Variants in ROBO1 observed in about 807,000 individuals in gnomAD.
ROBO1 encodes roundabout guidance receptor 1.
Under a neutral mutation model 195.9 loss-of-function variants are expected in ROBO1, and 149 were observed. The observed-to-expected ratio is 0.76, with a 90% confidence interval of 0.67 to 0.87. The LOEUF is 0.87. ROBO1 is among the 40% of genes least tolerant of loss of function. ROBO1 has a pLI of 0.00. For synonymous variants in ROBO1, 816 were observed against 733.2 expected (o/e 1.11, Z -1.82); for missense variants, 1,933 against 2,068.3 (o/e 0.93, Z 1.27).
At chr3:78,946,759 T>A (rs2040467502) in intron 3 of ROBO1, among the ~76,000 whole-genome samples, 1 of 152,164 alleles carries the variant, frequency 6.6e-6, no homozygotes, top group Non-Finnish European at 1.5e-5. Context: ...CCCATCAGTG[T>A]GCTGTATTCA....
intron 4 of ROBO1, among the ~76,000 whole-genome samples, chr3:78,794,959 A>C (rs2108544684): frequency 6.6e-6 from 1 of 152,334 alleles, no homozygotes; most frequent in Admixed American, 6.5e-5. Flanking sequence ...ATTTCAAATA[A>C]TTTCAGAAAT....
At position 78,659,802 on chromosome 3, in the gene ROBO1, T is replaced by C. The variant is rs1188129440; in HGVS notation, c.2326A>G (p.Ser776Gly). 2 of 1,602,886 alleles carry C rather than the reference T, an allele frequency of 1.2e-6. No individual in the cohort carries two copies. Among genetic ancestry groups the C allele is most frequent in the Admixed American group, 3.4e-5 (2 of 58,488 alleles). The change falls in exon 17 of 31, where the codon AGT becomes GGT. Residue 776 changes from serine to glycine, a missense_variant. By Grantham distance (56) the Ser-to-Gly change is moderately conservative. Transcript: ENST00000464233. ...KFAKTLEEAP[S>G]APPQGVTVSK... The stretch of plus-strand genomic sequence containing the variant: ...ACAGTTACACCTTGGGGTGGGGCAC[T>C]GGGTGCTATTAAATTGTTTTAAAAG...
At chr3:79,217,510 T>C (rs1224032713) in intron 2 of ROBO1, among the ~76,000 whole-genome samples, 1 of 152,028 alleles carries the variant, frequency 6.6e-6, no homozygotes, top group East Asian at 1.9e-4. Flanking sequence ...TCTTAAATAG[T>C]TCTCAATTCT....
intron 2 of ROBO1, among the ~76,000 whole-genome samples, chr3:79,538,155 G>T (rs993819031): frequency 6.6e-6 from 1 of 151,988 alleles, no homozygotes; most frequent in Non-Finnish European, 1.5e-5. Flanking sequence ...ATAATTTTAG[G>T]TAACATTATT....
intron 4 of ROBO1, among the ~76,000 whole-genome samples, chr3:78,811,465 A>G (rs1352435753): frequency 6.6e-5 from 10 of 152,274 alleles, no homozygotes; most frequent in African/African-American, 1.9e-4. Context: ...CTTTCACTAT[A>G]CATATCTACT....
At chr3:79,751,521 A>T (rs1016112555) in intron 1 of ROBO1, among the ~76,000 whole-genome samples, 4 of 152,238 alleles carry the variant, frequency 2.6e-5, no homozygotes, top group African/African-American at 9.6e-5. Flanking sequence ...AATTTAGCTA[A>T]GTGCTATTGT....
At chr3:78,900,734 T>C (rs1004548535) in intron 4 of ROBO1, among the ~76,000 whole-genome samples, 1 of 152,126 alleles carries the variant, frequency 6.6e-6, no homozygotes, top group Non-Finnish European at 1.5e-5. Flanking sequence ...TTATTTTTAA[T>C]ATTATCTTTA....
intron 3 of ROBO1, among the ~76,000 whole-genome samples, chr3:78,977,130 A>C (rs1012165118): frequency 3.9e-5 from 6 of 152,202 alleles, no homozygotes; most frequent in South Asian, 4.1e-4. Context: ...TTTAAGCAGA[A>C]TATTTCCAAT....
chr3:79,667,961 A>G (rs1405480672), intron 1 of ROBO1, among the ~76,000 whole-genome samples: 1 of 151,806 alleles, frequency 6.6e-6, no homozygotes, highest in Non-Finnish European at 1.5e-5. Context: ...ATTAAGACAT[A>G]CTGCCTTTTA....
chr3:79,090,160 G>A (rs1385185760), intron 3 of ROBO1, among the ~76,000 whole-genome samples: 3 of 151,830 alleles, frequency 2.0e-5, no homozygotes, highest in African/African-American at 7.3e-5. Context: ...GGCTGGTCTC[G>A]AACTCCTGAC....
intron 2 of ROBO1, among the ~76,000 whole-genome samples, chr3:79,387,794 T>G: frequency 6.6e-6 from 1 of 152,180 alleles, no homozygotes; most frequent in East Asian, 1.9e-4. Flanking sequence ...TGTTTGAAAC[T>G]TTGCAATAGC....
In ROBO1 at chr3:79,076,167, C is replaced by G. The variant is rs1576644784; in HGVS notation, c.172+49289G>C. 5.4e-5 allele frequency among the ~76,000 whole-genome samples: 8 copies of G among 149,188 alleles called. 1 individual carries two copies. The South Asian group carries it at 1.5e-3, about 27-fold the overall frequency. ...CAAAGAACTTAGAATTGTGCATGGA[C>G]TATACATATGTTAATTATGTAAAAC... On this transcript the variant is annotated intron_variant, in intron 3 of 30. Transcript: ENST00000464233.
In ROBO1 at chr3:79,469,817, A is replaced by C. The variant is rs373389863; in HGVS notation, c.88+120007T>G. Among the ~76,000 whole-genome samples the C allele has an allele frequency of 2.2e-3, 337 of 152,246 alleles. 1 individual carries two copies. Among genetic ancestry groups the C allele is most frequent in the African/African-American group, 7.7e-3 (318 of 41,536 alleles). ...AAGAAAGTTACAACAATTTGAACTA[A>C]GGACAACTTTTTCTTCTTTTATACA... On this transcript the variant is annotated intron_variant, in intron 2 of 30. Transcript: ENST00000464233.
At chr3:79,218,397 A>G (rs1033200069) in intron 2 of ROBO1, among the ~76,000 whole-genome samples, 1 of 151,962 alleles carries the variant, frequency 6.6e-6, no homozygotes, top group African/African-American at 2.4e-5. Flanking sequence ...CATTTCATGC[A>G]TGTATAGTAC....
chr3:78,815,811 C>T lies in ROBO1; in HGVS notation c.500-68911G>A, dbSNP rs555312221. 5.3e-5 allele frequency among the ~76,000 whole-genome samples: 8 copies of T among 152,242 alleles called. No homozygotes were observed. In the East Asian group the frequency reaches 1.4e-3, roughly 26 times the overall value. On this transcript the variant is annotated intron_variant, in intron 4 of 30. Transcript: ENST00000464233. ...AATTCTACTTCTCTTGTTATTTCCACCACATCTGCAATTACTTCCTCCAAT... is the reference window on the plus strand; with the variant it reads ...AATTCTACTTCTCTTGTTATTTCCATCACATCTGCAATTACTTCCTCCAAT...
At chr3:79,446,535 A>G (rs1331424647) in intron 2 of ROBO1, among the ~76,000 whole-genome samples, 1 of 152,238 alleles carries the variant, frequency 6.6e-6, no homozygotes, top group African/African-American at 2.4e-5. Flanking sequence ...TAATTAAAAT[A>G]TGATAAATGG....
intron 2 of ROBO1, among the ~76,000 whole-genome samples, chr3:79,218,695 G>A (rs771156775): frequency 2.6e-5 from 4 of 151,924 alleles, no homozygotes; most frequent in Non-Finnish European, 5.9e-5. Flanking sequence ...TTTGTATAAT[G>A]TAATAGACAA....
intron 2 of ROBO1, among the ~76,000 whole-genome samples, chr3:79,462,085 T>G (rs1234287179): frequency 3.9e-5 from 6 of 152,132 alleles, no homozygotes; most frequent in African/African-American, 9.7e-5. Context: ...TAACATAAAG[T>G]TGAAGATTAT....
At chr3:78,602,408 G>A (rs942282198) in intron 29 of ROBO1, among the ~76,000 whole-genome samples, 3 of 152,100 alleles carry the variant, frequency 2.0e-5, no homozygotes, top group Admixed American at 1.3e-4. Context: ...TCAACACCAT[G>A]TTTCCTATAA....
Sources: gnomAD v4.1 joint callset for allele counts (sites outside exome capture counted in the v4.1 genomes callset) on GRCh38, gnomAD v4.1.1 for gene constraint, MANE v1.5 for transcripts, NCBI Gene and HGNC (gene_info 2026-07-23, HGNC 2026-07-21) for gene names.